AGMO: variants seen among roughly 807,000 people sequenced by gnomAD.
The protein encoded by AGMO is glyceryl-ether monooxygenase.
Under a neutral mutation model 60.2 loss-of-function variants are expected in AGMO, and 75 were observed. That is an observed-to-expected ratio of 1.25 (90% CI 1.03 to 1.51). The LOEUF is 1.51. AGMO is among the 40% of genes most tolerant of loss of function. AGMO has a pLI of 0.00. For missense variants in AGMO, 763 were observed against 525.5 expected, an observed-to-expected ratio of 1.45 and a Z score of -4.42; for synonymous variants, 261 against 177.1, an observed-to-expected ratio of 1.47 and a Z score of -3.76.
the AGMO span, among the ~76,000 whole-genome samples, chr7:15,180,893 C>A: frequency 6.6e-6 from 1 of 152,114 alleles, no homozygotes; most frequent in Non-Finnish European, 1.5e-5. Context: ...CAGCATCTGG[C>A]AAAGGTCATC....
intron 12 of AGMO, among the ~76,000 whole-genome samples, chr7:15,213,400 T>G (rs1024130617): frequency 6.6e-6 from 1 of 151,816 alleles, no homozygotes; most frequent in African/African-American, 2.4e-5. Context: ...CTATTATCAG[T>G]TCTATTATGT....
At chr7:15,208,385 A>T in intron 12 of AGMO, among the ~76,000 whole-genome samples, 1 of 152,176 alleles carries the variant, frequency 6.6e-6, no homozygotes, top group East Asian at 1.9e-4. Flanking sequence ...TTCCACCAAT[A>T]ATCTTCCTCT....
chr7:15,530,618 T>G (rs1784284995), intron 3 of AGMO, among the ~76,000 whole-genome samples: 1 of 135,386 alleles, frequency 7.4e-6, no homozygotes, highest in African/African-American at 2.6e-5. Flanking sequence ...TATTTCTATA[T>G]ATATATTCTA....
chr7:15,340,971 T>C (rs1261726143), intron 12 of AGMO, among the ~76,000 whole-genome samples: 2 of 152,028 alleles, frequency 1.3e-5, no homozygotes, highest in Non-Finnish European at 2.9e-5. Flanking sequence ...TGAAAGCAGC[T>C]AGGAGGGGTG....
the AGMO span, among the ~76,000 whole-genome samples, chr7:15,193,459 T>C: frequency 6.6e-6 from 1 of 152,186 alleles, no homozygotes; most frequent in Non-Finnish European, 1.5e-5. Context: ...TGGTACATAA[T>C]ATAAGTTTAT....
At chr7:15,335,208 T>G (rs913256614) in intron 12 of AGMO, among the ~76,000 whole-genome samples, 1 of 152,180 alleles carries the variant, frequency 6.6e-6, no homozygotes, top group Non-Finnish European at 1.5e-5. Flanking sequence ...AGGATTAGAT[T>G]TCTTTTCTTT....
At chr7:15,445,553 C>T (rs1781678854) in intron 3 of AGMO, among the ~76,000 whole-genome samples, 1 of 151,982 alleles carries the variant, frequency 6.6e-6, no homozygotes, top group African/African-American at 2.4e-5. Flanking sequence ...TAAGCTTATC[C>T]CATGATAAAA....
intron 12 of AGMO, among the ~76,000 whole-genome samples, chr7:15,227,830 A>C (rs983889450): frequency 1.3e-5 from 2 of 152,140 alleles, no homozygotes; most frequent in Non-Finnish European, 2.9e-5. Flanking sequence ...TAATGACTTA[A>C]AATCAGCACA....
At chr7:15,215,408 C>T (rs1223541271) in intron 12 of AGMO, among the ~76,000 whole-genome samples, 2 of 151,816 alleles carry the variant, frequency 1.3e-5, no homozygotes, top group Non-Finnish European at 2.9e-5. Flanking sequence ...CCAGGTCCCC[C>T]AAAGACCTGA....
At chr7:15,340,823 GCCCCCACACAGAGT>G (rs1781821134) in intron 12 of AGMO, among the ~76,000 whole-genome samples, 1 of 152,112 alleles carries the variant, frequency 6.6e-6, no homozygotes, top group Admixed American at 6.5e-5. Flanking sequence ...TGGGGTTGGT[GCCCCCACACAGAGT>G]CCCCACTGGG....
the AGMO span, among the ~76,000 whole-genome samples, chr7:15,144,597 C>A: frequency 6.6e-6 from 1 of 152,158 alleles, no homozygotes. Context: ...TAGTCAGGAG[C>A]AATAAATGCT....
intron 12 of AGMO, among the ~76,000 whole-genome samples, chr7:15,313,383 G>C (rs1053463765): frequency 2.6e-5 from 4 of 152,172 alleles, no homozygotes; most frequent in African/African-American, 9.7e-5. Context: ...TTATTTTGCT[G>C]CTTAAGTGTT....
intron 12 of AGMO, among the ~76,000 whole-genome samples, chr7:15,297,467 G>A (rs1320237084): frequency 6.6e-6 from 1 of 152,084 alleles, no homozygotes; most frequent in Admixed American, 6.5e-5. Context: ...AGCATCTAAT[G>A]ACTCATGAGT....
intron 6 of AGMO, among the ~76,000 whole-genome samples, chr7:15,393,384 T>C (rs1487741555): frequency 6.6e-6 from 1 of 152,252 alleles, no homozygotes; most frequent in Non-Finnish European, 1.5e-5. Context: ...GTGAGATTTA[T>C]TCATGCCCTT....
chr7:15,153,359 ATTTATC>A, the AGMO span, among the ~76,000 whole-genome samples: 2 of 151,824 alleles, frequency 1.3e-5, no homozygotes, highest in Non-Finnish European at 2.9e-5. Flanking sequence ...AGTTCCATAT[ATTTATC>A]TTTATTTTTG....
chr7:15,485,828 A>AT (rs1302006603), intron 3 of AGMO, among the ~76,000 whole-genome samples: 2 of 151,478 alleles, frequency 1.3e-5, no homozygotes, highest in Non-Finnish European at 1.5e-5. Context: ...TCGGTGAAGC[A>AT]TTTTTTCTTT....
At chr7:15,284,631 T>G (rs1261119175) in intron 12 of AGMO, among the ~76,000 whole-genome samples, 1 of 151,892 alleles carries the variant, frequency 6.6e-6, no homozygotes, top group Non-Finnish European at 1.5e-5. Flanking sequence ...ACAGCTAAAT[T>G]CCACCAGACA....
At chr7:15,186,086 C>T in the AGMO span, among the ~76,000 whole-genome samples, 2 of 152,188 alleles carry the variant, frequency 1.3e-5, no homozygotes, top group Non-Finnish European at 2.9e-5. Flanking sequence ...TTGTCACTCT[C>T]AATACCTTGG....
chr7:15,460,113 TTTTG>T (rs1419246888), intron 3 of AGMO, among the ~76,000 whole-genome samples: 15 of 150,564 alleles, frequency 1.0e-4, no homozygotes, highest in African/African-American at 3.7e-4. Flanking sequence ...CCCCTTTTTT[TTTTG>T]TTTTTTTGAG....
Sources: allele counts gnomAD v4.1 joint callset (sites outside exome capture counted in the v4.1 genomes callset), GRCh38; gene constraint gnomAD v4.1.1; transcripts MANE v1.5; gene names NCBI Gene and HGNC (gene_info 2026-07-23, HGNC 2026-07-21).